Variants in MCTP1 observed in about 807,000 individuals in gnomAD.
MCTP1 encodes the protein multiple C2 and transmembrane domain containing 1.
Under a neutral mutation model 120.6 loss-of-function variants are expected in MCTP1, and 69 were observed. The observed-to-expected ratio is 0.57, with a 90% confidence interval of 0.47 to 0.70. MCTP1 has a LOEUF of 0.70. Ranked by LOEUF, MCTP1 falls within the 30% of genes least tolerant of loss-of-function variation. The pLI is 0.00. For missense variants in MCTP1, 1,203 were observed against 1,248.8 expected, an observed-to-expected ratio of 0.96 and a Z score of 0.55; for synonymous variants, 529 against 493.1, an observed-to-expected ratio of 1.07 and a Z score of -0.96.
chr5:94,744,510 A>AC lies in MCTP1; in HGVS notation c.2611-29625_2611-29624insG, dbSNP rs1554085039. Among the ~76,000 whole-genome samples the AC allele has an allele frequency of 1.3e-4, 19 of 148,126 alleles. No individual in the cohort carries two copies. In the East Asian group the frequency reaches 3.6e-3, roughly 28 times the overall value. The stretch of plus-strand genomic sequence containing the variant: ...GGATCTCAGTTTTGGTTTCACTAAC[A>AC]TTTTTTTTTTTGAGACAGAGTCTTG... On this transcript the variant is annotated intron_variant, in intron 19 of 22. Transcript: ENST00000515393.
At chr5:95,175,744 A>G (rs1582446405) in intron 1 of MCTP1, among the ~76,000 whole-genome samples, 1 of 152,234 alleles carries the variant, frequency 6.6e-6, no homozygotes, top group African/African-American at 2.4e-5. Context: ...CTCTACGTAA[A>G]CAAGGTGTCC....
intron 7 of MCTP1, among the ~76,000 whole-genome samples, chr5:94,921,770 C>G (rs76995831): frequency 1.3e-5 from 2 of 152,108 alleles, no homozygotes; most frequent in Non-Finnish European, 2.9e-5. Context: ...TCTCATGGCT[C>G]TTAAACACAT....
chr5:94,832,025 G>A (rs1273278731), intron 17 of MCTP1, among the ~76,000 whole-genome samples: 1 of 152,180 alleles, frequency 6.6e-6, no homozygotes, highest in East Asian at 1.9e-4. Flanking sequence ...TAGCAACCTA[G>A]GACAAGCTTC....
intron 17 of MCTP1, among the ~76,000 whole-genome samples, chr5:94,865,922 A>C (rs1053950361): frequency 1.3e-5 from 2 of 151,950 alleles, no homozygotes; most frequent in African/African-American, 4.8e-5. Context: ...CTTGACACAT[A>C]GTAAGTGCTT....
chr5:94,909,223 T>C, intron 10 of MCTP1, 28 bp downstream of exon 10: 1 of 1,610,560 alleles, frequency 6.2e-7, no homozygotes, highest in Non-Finnish European at 8.5e-7. Context: ...GCTCTAGGAG[T>C]GAACCAAAAA....
At chr5:94,816,596 A>C (rs1187405021) in intron 17 of MCTP1, among the ~76,000 whole-genome samples, 1 of 152,124 alleles carries the variant, frequency 6.6e-6, no homozygotes, top group Non-Finnish European at 1.5e-5. Context: ...CCAGAGGATC[A>C]TTTAACTTTT....
intron 1 of MCTP1, among the ~76,000 whole-genome samples, chr5:95,083,170 T>C (rs11744187): frequency 0.91 from 139,213 of 152,154 alleles, 64,226 homozygotes; most frequent in Non-Finnish European, 0.98. Flanking sequence ...GATTTTTTTG[T>C]TATGGTTTGG....
chr5:95,221,904 C>T (rs1480315881), intron 1 of MCTP1, among the ~76,000 whole-genome samples: 5 of 152,012 alleles, frequency 3.3e-5, no homozygotes, highest in South Asian at 2.1e-4. Context: ...GAGAACATAC[C>T]GTCAAACTTT....
At chr5:95,058,581 A>G (rs1427769879) in intron 1 of MCTP1, among the ~76,000 whole-genome samples, 1 of 152,206 alleles carries the variant, frequency 6.6e-6, no homozygotes, top group Non-Finnish European at 1.5e-5. Context: ...CTGTATGGGA[A>G]ATCATTTTGG....
intron 1 of MCTP1, among the ~76,000 whole-genome samples, chr5:95,246,516 T>C (rs1756809744): frequency 6.6e-6 from 1 of 151,756 alleles, no homozygotes; most frequent in Non-Finnish European, 1.5e-5. Context: ...GCAATCCTAA[T>C]CTCTGATAAA....
At chr5:95,169,640 C>T (rs752508684) in intron 1 of MCTP1, among the ~76,000 whole-genome samples, 11 of 151,794 alleles carry the variant, frequency 7.2e-5, no homozygotes, top group African/African-American at 9.7e-5. Flanking sequence ...TGTATGTGTC[C>T]GGAATTTATC....
intron 17 of MCTP1, among the ~76,000 whole-genome samples, chr5:94,813,186 A>G (rs1046168698): frequency 7.2e-5 from 11 of 152,214 alleles, no homozygotes; most frequent in African/African-American, 2.7e-4. Context: ...ACCAAATAAA[A>G]CATCTGAATG....
chr5:95,123,325 T>G (rs1007686019), intron 1 of MCTP1, among the ~76,000 whole-genome samples: 11 of 151,934 alleles, frequency 7.2e-5, no homozygotes, highest in African/African-American at 2.7e-4. Context: ...ATATAATATG[T>G]AAAGAGTCTG....
intron 6 of MCTP1, among the ~76,000 whole-genome samples, chr5:94,928,720 G>A (rs76157950): frequency 0.014 from 2,154 of 152,138 alleles, 31 homozygotes; most frequent in Middle Eastern, 0.037. Flanking sequence ...CTATATACTT[G>A]TTTATATGCC....
At chr5:94,784,090 GA>G (rs1777120724) in intron 18 of MCTP1, among the ~76,000 whole-genome samples, 1 of 151,998 alleles carries the variant, frequency 6.6e-6, no homozygotes, top group Admixed American at 6.5e-5. Context: ...AAATATTAAA[GA>G]AAACTGACAC....
chr5:95,220,592 A>T (rs1753580298), intron 1 of MCTP1, among the ~76,000 whole-genome samples: 2 of 152,226 alleles, frequency 1.3e-5, no homozygotes, highest in Admixed American at 1.3e-4. Flanking sequence ...CATCAATGTA[A>T]CTCAGTAATT....
At chr5:95,075,338 T>G (rs1330855866) in intron 1 of MCTP1, among the ~76,000 whole-genome samples, 1 of 152,228 alleles carries the variant, frequency 6.6e-6, no homozygotes, top group Non-Finnish European at 1.5e-5. Flanking sequence ...AAATATAAGT[T>G]AACTTCCCCT....
intron 1 of MCTP1, among the ~76,000 whole-genome samples, chr5:95,186,015 A>C (rs533133844): frequency 2.0e-5 from 3 of 151,616 alleles, no homozygotes; most frequent in Non-Finnish European, 4.4e-5. Flanking sequence ...AACAAACAAA[A>C]AACCCTGGGA....
At chr5:95,198,617 T>C (rs1158549812) in intron 1 of MCTP1, among the ~76,000 whole-genome samples, 1 of 152,160 alleles carries the variant, frequency 6.6e-6, no homozygotes, top group Non-Finnish European at 1.5e-5. Flanking sequence ...TCCCATTGTA[T>C]AATAGCCTAT....
Sources: allele counts gnomAD v4.1 joint callset (sites outside exome capture counted in the v4.1 genomes callset), GRCh38; gene constraint gnomAD v4.1.1; transcripts MANE v1.5; gene names NCBI Gene and HGNC (gene_info 2026-07-23, HGNC 2026-07-21).